The following ACBD6 variants were observed in gnomAD, a reference collection of about 807,000 sequenced individuals.
The protein encoded by ACBD6 is acyl-CoA binding domain containing 6, also known as acyl-CoA-binding domain-containing protein 6.
Under a neutral mutation model 37.2 loss-of-function variants are expected in ACBD6, and 28 were observed. That is an observed-to-expected ratio of 0.75 (90% CI 0.56 to 1.03). ACBD6 has a LOEUF of 1.03. Ranked by LOEUF, ACBD6 falls within the 50% of genes least tolerant of loss-of-function variation. The pLI is 0.00. For synonymous variants in ACBD6, 113 were observed against 126.8 expected, an observed-to-expected ratio of 0.89 and a Z score of 0.73; for missense variants, 340 against 337.4, an observed-to-expected ratio of 1.01 and a Z score of -0.06.
chr1:180,296,223 C>T (rs1036855520), intron 7 of ACBD6, among the ~76,000 whole-genome samples: 3 of 152,072 alleles, frequency 2.0e-5, no homozygotes, highest in Admixed American at 6.6e-5. Flanking sequence ...TTTCATTCTA[C>T]GAAGACTGAA....
At chr1:180,485,717 C>G (rs1651236281) in intron 3 of ACBD6, among the ~76,000 whole-genome samples, 2 of 152,188 alleles carry the variant, frequency 1.3e-5, no homozygotes, top group Non-Finnish European at 2.9e-5. Flanking sequence ...TGGTACTTTA[C>G]TACAGTAGCC....
intron 6 of ACBD6, among the ~76,000 whole-genome samples, chr1:180,380,465 C>T (rs767802327): frequency 1.2e-4 from 18 of 151,850 alleles, no homozygotes; most frequent in Admixed American, 3.9e-4. Context: ...GATATTATAC[C>T]CAGCACAATT....
At chr1:180,487,801 C>CA (rs1435022453) in intron 3 of ACBD6, among the ~76,000 whole-genome samples, 1 of 152,120 alleles carries the variant, frequency 6.6e-6, no homozygotes, top group Admixed American at 6.5e-5. Flanking sequence ...TCCTGTCACA[C>CA]CTTAAACTAC....
chr1:180,354,034 G>A lies in ACBD6; in HGVS notation c.664-39312C>T, dbSNP rs551937673. Reference sequence around the variant, plus strand: ...TGGTTATTTAAGGAGCAGGATAAATGGGCCAAGACAGCTTTCCCTATCCCC... The same window carrying A: ...TGGTTATTTAAGGAGCAGGATAAATAGGCCAAGACAGCTTTCCCTATCCCC... On this transcript the variant is annotated intron_variant, in intron 6 of 7. Coordinates refer to ENST00000367595, the MANE Select transcript of ACBD6 (RefSeq NM_032360.4). Among the ~76,000 whole-genome samples, 3 of 152,266 alleles carry A rather than the reference G, an allele frequency of 2.0e-5. No individual in the cohort carries two copies. The East Asian group carries it at 5.8e-4, about 29-fold the overall frequency.
chr1:180,413,359 T>C lies in ACBD6; in HGVS notation c.573+7A>G. On this transcript the variant is annotated splice_region_variant and intron_variant, in intron 5 of 7. Transcript: ENST00000367595. ...GGAAAATAATTAACAGGGCATGTTT[T>C]TCATACCTCTTCATCTTTCACATTC... 3 of 1,608,076 alleles carry C rather than the reference T, an allele frequency of 1.9e-6. No homozygotes were observed. Among genetic ancestry groups the C allele is most frequent in the Non-Finnish European group, 1.7e-6 (2 of 1,174,862 alleles).
At chr1:180,282,766 T>TA (rs57263765) in intron 8 of ACBD6, among the ~76,000 whole-genome samples, 1,829 of 148,080 alleles carry the variant, frequency 0.012, 26 homozygotes, top group African/African-American at 0.04. Context: ...GTGCTGGCTT[T>TA]AAAAAAAAAA....
intron 6 of ACBD6, among the ~76,000 whole-genome samples, chr1:180,380,341 C>T (rs1443267425): frequency 6.6e-6 from 1 of 152,082 alleles, no homozygotes; most frequent in Non-Finnish European, 1.5e-5. Flanking sequence ...AGCATCTAAT[C>T]ACCTATACAG....
chr1:180,351,434 C>A (rs953166654), intron 6 of ACBD6, among the ~76,000 whole-genome samples: 11 of 152,144 alleles, frequency 7.2e-5, no homozygotes, highest in African/African-American at 2.6e-4. Flanking sequence ...TGCCACCATG[C>A]CTGGCTAATT....
At chr1:180,459,967 CTTTTTTTTT>C (rs67323272) in intron 3 of ACBD6, among the ~76,000 whole-genome samples, 13,946 of 108,152 alleles carry the variant, frequency 0.13, 979 homozygotes, top group African/African-American at 0.23. Flanking sequence ...CAGACTGCTT[CTTTTTTTTT>C]TTTTTTTTTT....
chr1:180,456,730 A>AC (rs1649939335), intron 3 of ACBD6, among the ~76,000 whole-genome samples: 1 of 147,204 alleles, frequency 6.8e-6, no homozygotes, highest in African/African-American at 2.5e-5. Context: ...GATCTTTAAA[A>AC]TTTTTTTTTT....
At chr1:180,371,699 AAAATTGAGAAATGATTCAT>A in intron 6 of ACBD6, among the ~76,000 whole-genome samples, 1 of 152,314 alleles carries the variant, frequency 6.6e-6, no homozygotes, top group African/African-American at 2.4e-5. Flanking sequence ...GTTAATCATA[AAAATTGAGAAATGATTCAT>A]AGAGAAGAAA....
chr1:180,453,060 A>T (rs550052165), intron 3 of ACBD6, among the ~76,000 whole-genome samples: 2 of 152,374 alleles, frequency 1.3e-5, no homozygotes, highest in Non-Finnish European at 2.9e-5. Context: ...TCCCTAACTC[A>T]TTTTATGAGG....
chr1:180,383,914 T>C (rs751063729), intron 6 of ACBD6, among the ~76,000 whole-genome samples: 17 of 152,010 alleles, frequency 1.1e-4, no homozygotes, highest in Admixed American at 4.6e-4. Flanking sequence ...AGAATATACA[T>C]TGAGGGAAGG....
At chr1:180,347,134 G>A (rs576254831) in intron 6 of ACBD6, among the ~76,000 whole-genome samples, 1 of 152,298 alleles carries the variant, frequency 6.6e-6, no homozygotes, top group African/African-American at 2.4e-5. Context: ...TGCAGTGTTA[G>A]TAGTAAAGAG....
intron 7 of ACBD6, among the ~76,000 whole-genome samples, chr1:180,291,265 G>A (rs1458817588): frequency 6.6e-6 from 1 of 152,164 alleles, no homozygotes; most frequent in Non-Finnish European, 1.5e-5. Context: ...GAATTGCTGA[G>A]TCATATGGCA....
downstream of ACBD6, among the ~76,000 whole-genome samples, chr1:180,284,696 C>T (rs574142820): frequency 6.8e-4 from 103 of 151,732 alleles, 1 homozygote; most frequent in African/African-American, 2.4e-3. Context: ...TGGTATAAAA[C>T]GAAAGCTCAA....
chr1:180,457,485 CACTA>C (rs67705770), intron 3 of ACBD6, among the ~76,000 whole-genome samples: 73,354 of 151,470 alleles, frequency 0.48, 20,521 homozygotes, highest in South Asian at 0.66. Context: ...CAGTAGGGAT[CACTA>C]ACCTACAAGA....
chr1:180,305,685 T>A lies in ACBD6; in HGVS notation c.694+9007A>T, dbSNP rs192017969. On this transcript the variant is annotated intron_variant, in intron 7 of 7. Coordinates refer to ENST00000367595, the MANE Select transcript of ACBD6 (RefSeq NM_032360.4). The stretch of plus-strand genomic sequence containing the variant: ...TAAACTGGTTCAACCATTGTGGAAG[T>A]CAGTGTGGCAATTCCTCAGGGATCT... Among the ~76,000 whole-genome samples the A allele has an allele frequency of 1.9e-3, 285 of 152,248 alleles. 2 individuals carry two copies. Among genetic ancestry groups the A allele is most frequent in the African/African-American group, 6.7e-3 (280 of 41,548 alleles).
intron 3 of ACBD6, among the ~76,000 whole-genome samples, chr1:180,461,533 C>CA (rs1408936771): frequency 6.6e-6 from 1 of 152,114 alleles, no homozygotes; most frequent in South Asian, 2.1e-4. Context: ...AGGTAGTCTA[C>CA]AAAGGGAAGC....
Sources: allele counts gnomAD v4.1 joint callset (sites outside exome capture counted in the v4.1 genomes callset), GRCh38; gene constraint gnomAD v4.1.1; transcripts MANE v1.5; gene names NCBI Gene and HGNC (gene_info 2026-07-23, HGNC 2026-07-21).